Variants in AHCYL2 observed in about 807,000 individuals in gnomAD.
AHCYL2 encodes the protein adenosylhomocysteinase like 2, also known as S-adenosylhomocysteine hydrolase-like protein 2.
Under a neutral mutation model 81.4 loss-of-function variants are expected in AHCYL2, and 28 were observed. That is an observed-to-expected ratio of 0.34 (90% CI 0.25 to 0.47). The LOEUF (loss-of-function observed/expected upper bound fraction) is 0.47. Ranked by LOEUF, AHCYL2 falls within the 20% of genes least tolerant of loss-of-function variation. AHCYL2 has a pLI of 1.00. For missense variants in AHCYL2, 551 were observed against 785.1 expected (o/e 0.70, Z 3.56); for synonymous variants, 272 against 290.2 (o/e 0.94, Z 0.64).
chr7:129,389,828 C>A, intron 4 of AHCYL2, 94 bp downstream of exon 4: 1 of 996,408 alleles, frequency 1.0e-6, no homozygotes, highest in Non-Finnish European at 1.4e-6. Context: ...GAGTTAAGAG[C>A]TTAACAAGTA....
chr7:129,334,677 C>G (rs1184715339), intron 1 of AHCYL2, among the ~76,000 whole-genome samples: 1 of 152,138 alleles, frequency 6.6e-6, no homozygotes, highest in Non-Finnish European at 1.5e-5. Flanking sequence ...GTACCTGCTA[C>G]TGCTGGTGGG....
At chr7:129,383,848 C>G (rs983319615) in intron 2 of AHCYL2, among the ~76,000 whole-genome samples, 8 of 152,152 alleles carry the variant, frequency 5.3e-5, no homozygotes, top group Non-Finnish European at 1.0e-4. Flanking sequence ...GCTACCTTAC[C>G]TCCTTCAGTT....
At chr7:129,239,029 A>G (rs13234716) in intron 1 of AHCYL2, among the ~76,000 whole-genome samples, 104,689 of 138,290 alleles carry the variant, frequency 0.76, 36,469 homozygotes, top group Non-Finnish European at 0.8. Context: ...GCAATCAGGG[A>G]TCATTTACCT....
chr7:129,259,990 C>T (rs55914741), intron 1 of AHCYL2, among the ~76,000 whole-genome samples: 507 of 151,634 alleles, frequency 3.3e-3, no homozygotes, highest in African/African-American at 0.012. Context: ...GCAGGAGAAT[C>T]GCTTGAACCC....
intron 1 of AHCYL2, among the ~76,000 whole-genome samples, chr7:129,340,045 A>C (rs1793113094): frequency 6.8e-6 from 1 of 146,148 alleles, no homozygotes; most frequent in Non-Finnish European, 1.5e-5. Context: ...CAGCCTCCCT[A>C]GCAGCTGGGA....
intron 1 of AHCYL2, among the ~76,000 whole-genome samples, chr7:129,325,486 G>A (rs915921037): frequency 2.0e-5 from 3 of 152,036 alleles, no homozygotes; most frequent in African/African-American, 7.2e-5. Context: ...CAATTTGATT[G>A]TGATGTTCCT....
chr7:129,266,056 T>C (rs1220935602), intron 1 of AHCYL2, among the ~76,000 whole-genome samples: 1 of 152,222 alleles, frequency 6.6e-6, no homozygotes, highest in Non-Finnish European at 1.5e-5. Context: ...AGGATAATTG[T>C]ATTGCTACAG....
Position 129,403,848 on chromosome 7 carries a change from G to A in AHCYL2, c.1025+363G>A, listed in dbSNP as rs185484491. ...TGCACTCCAGCCTGGGTGACAGAGC[G>A]AGACTCCATCTCAAAAAAAAAAAAA... On this transcript the variant is annotated intron_variant, in intron 7 of 16. Coordinates refer to ENST00000325006, the MANE Select transcript of AHCYL2 (RefSeq NM_015328.4). Among the ~76,000 whole-genome samples, 982 of 106,560 alleles carry A rather than the reference G, an allele frequency of 9.2e-3. 16 individuals carry two copies. The highest frequency in any genetic ancestry group is 0.031 in the African/African-American group (922 of 29,350). The allele number at this position is 106,560 out of a possible 152,430, so 69.9% of individuals were successfully genotyped here.
intron 1 of AHCYL2, among the ~76,000 whole-genome samples, chr7:129,332,809 C>A (rs1407090381): frequency 6.6e-6 from 1 of 152,162 alleles, no homozygotes; most frequent in Non-Finnish European, 1.5e-5. Context: ...CAGCCTCCTT[C>A]CCTAGAGGAA....
At chr7:129,410,422 G>T in intron 11 of AHCYL2, 1 of 1,555,744 alleles carries the variant, frequency 6.4e-7, no homozygotes, top group Non-Finnish European at 8.9e-7. Context: ...CAATTCACAG[G>T]ATTATCCTCA....
Position 129,406,046 on chromosome 7 carries a change from C to CT in AHCYL2, c.1206+150dup. 1 of 773,772 alleles carries CT rather than the reference C, an allele frequency of 1.3e-6. No homozygotes were observed. Among genetic ancestry groups the CT allele is most frequent in the East Asian group, 2.7e-5 (1 of 37,500 alleles). The allele number at this position is 773,772 out of a possible 1,614,324, so 47.9% of individuals were successfully genotyped here. ...TCAGAGGCCTTCTGGTTGAAGTAGACTTTCTTTTTCCCTTTGCGTTGCCGC... is the reference window on the plus strand; with the variant it reads ...TCAGAGGCCTTCTGGTTGAAGTAGACTTTTCTTTTTCCCTTTGCGTTGCCGC... On this transcript the variant is annotated intron_variant, in intron 9 of 16. Coordinates refer to ENST00000325006, the MANE Select transcript of AHCYL2 (RefSeq NM_015328.4). The surrounding 1 kb of genome is among the most constrained non-coding windows in gnomAD (Gnocchi z 4.3).
At chr7:129,248,402 C>T (rs371020251) in intron 1 of AHCYL2, among the ~76,000 whole-genome samples, 1 of 152,272 alleles carries the variant, frequency 6.6e-6, no homozygotes, top group South Asian at 2.1e-4. Context: ...ATCATTTCTA[C>T]ATTACTTACA....
chr7:129,381,307 A>C (rs1480714469), intron 2 of AHCYL2, among the ~76,000 whole-genome samples: 1 of 152,106 alleles, frequency 6.6e-6, no homozygotes, highest in Non-Finnish European at 1.5e-5. Context: ...CTTCCCACCC[A>C]GTCCCCATAG....
intron 1 of AHCYL2, among the ~76,000 whole-genome samples, chr7:129,301,407 G>T (rs1266709567): frequency 6.6e-6 from 1 of 152,110 alleles, no homozygotes; most frequent in Non-Finnish European, 1.5e-5. Flanking sequence ...TCCTGTGCTT[G>T]TGGGGTATTT....
chr7:129,242,368 A>G (rs1199295540), intron 1 of AHCYL2, among the ~76,000 whole-genome samples: 2 of 148,926 alleles, frequency 1.3e-5, no homozygotes, highest in African/African-American at 5.0e-5. Flanking sequence ...AACCTTACTC[A>G]TGTTTCCTTA....
At chr7:129,267,631 G>A (rs1795863186) in intron 1 of AHCYL2, among the ~76,000 whole-genome samples, 1 of 152,070 alleles carries the variant, frequency 6.6e-6, no homozygotes, top group Admixed American at 6.6e-5. Context: ...TTGAATGTTA[G>A]CATCAATAGT....
intron 1 of AHCYL2, among the ~76,000 whole-genome samples, chr7:129,263,159 T>C (rs1051167613): frequency 6.6e-6 from 1 of 152,218 alleles, no homozygotes; most frequent in Non-Finnish European, 1.5e-5. Flanking sequence ...AGTCCCCATA[T>C]TTTAGTGGCT....
At chr7:129,394,893 A>C (rs956741918) in intron 4 of AHCYL2, among the ~76,000 whole-genome samples, 5 of 152,346 alleles carry the variant, frequency 3.3e-5, no homozygotes, top group Non-Finnish European at 7.3e-5. Context: ...AAAAAATATA[A>C]ATAAATAACA....
chr7:129,367,032 ATTCTT>A (rs1794148278), intron 1 of AHCYL2, among the ~76,000 whole-genome samples: 1 of 152,178 alleles, frequency 6.6e-6, no homozygotes, highest in Admixed American at 6.5e-5. Context: ...AAATGGTTGC[ATTCTT>A]TTGAGTTTTT....
Sources: gnomAD v4.1 joint callset for allele counts (sites outside exome capture counted in the v4.1 genomes callset) on GRCh38, gnomAD v4.1.1 for gene constraint, Gnocchi (gnomAD v3.1) non-coding constraint, MANE v1.5 for transcripts, NCBI Gene and HGNC (gene_info 2026-07-23, HGNC 2026-07-21) for gene names.